NRXN1: variants seen among roughly 807,000 people sequenced by gnomAD.
NRXN1 encodes the protein neurexin 1.
In NRXN1, 39 loss-of-function variants were observed where a neutral mutation model predicts 150.9. That is an observed-to-expected ratio of 0.26 (90% CI 0.20 to 0.34). The LOEUF is 0.34. NRXN1 is among the 10% of genes least tolerant of loss of function. NRXN1 has a pLI of 1.00. For missense variants in NRXN1, 1,815 were observed against 1,949.9 expected (o/e 0.93, Z 1.30); for synonymous variants, 924 against 757.0 (o/e 1.22, Z -3.62).
intron 18 of NRXN1, among the ~76,000 whole-genome samples, chr2:50,091,761 G>A (rs1298251634): frequency 6.6e-6 from 1 of 152,194 alleles, no homozygotes; most frequent in African/African-American, 2.4e-5. Flanking sequence ...TCACAGAGAA[G>A]GCGCACAGCT....
intron 17 of NRXN1, among the ~76,000 whole-genome samples, chr2:50,402,389 A>G (rs952627661): frequency 6.6e-6 from 1 of 152,038 alleles, no homozygotes; most frequent in South Asian, 2.1e-4. Flanking sequence ...CTTTGCTTCA[A>G]TGTAAAGTAT....
In NRXN1 at chr2:50,501,400, AGTGTGTGT is replaced by A. The variant is rs368765670; in HGVS notation, c.2498-3694_2498-3687del. Among the ~76,000 whole-genome samples the A allele has an allele frequency of 1.6e-4, 23 of 148,180 alleles. 1 individual carries two copies. In the Admixed American group the frequency reaches 1.6e-3, roughly 10 times the overall value. On this transcript the variant is annotated intron_variant, in intron 13 of 22. Coordinates refer to ENST00000401669, the MANE Select transcript of NRXN1 (RefSeq NM_001330078.2). ...TGACTCGTGTATGTGTGTGTGTGTGAGTGTGTGTGTGTGTGTGTGTGTGTGTTTATTCC... is the reference window on the plus strand; with the variant it reads ...TGACTCGTGTATGTGTGTGTGTGTGAGTGTGTGTGTGTGTGTGTTTATTCC...
At chr2:50,031,101 G>A (rs1229252732) in intron 21 of NRXN1, among the ~76,000 whole-genome samples, 23 of 151,994 alleles carry the variant, frequency 1.5e-4, no homozygotes, top group Admixed American at 1.5e-3. Context: ...AACATGTAAA[G>A]CACACCTTTT....
intron 21 of NRXN1, among the ~76,000 whole-genome samples, chr2:50,011,534 T>C (rs993573829): frequency 6.6e-6 from 1 of 152,120 alleles, no homozygotes; most frequent in African/African-American, 2.4e-5. Context: ...AAGTGTTTGT[T>C]TATAAGCATA....
At chr2:50,777,700 A>T (rs1703836937) in intron 5 of NRXN1, among the ~76,000 whole-genome samples, 1 of 152,186 alleles carries the variant, frequency 6.6e-6, no homozygotes, top group Non-Finnish European at 1.5e-5. Context: ...AATACTGCAC[A>T]TCATCTAAAT....
At chr2:50,652,666 C>A (rs143622331) in intron 5 of NRXN1, among the ~76,000 whole-genome samples, 6 of 152,098 alleles carry the variant, frequency 3.9e-5, no homozygotes, top group Non-Finnish European at 5.9e-5. Context: ...CATCTGTGAA[C>A]GAATTTTTGT....
intron 2 of NRXN1, among the ~76,000 whole-genome samples, chr2:51,022,908 C>A (rs1431988217): frequency 1.3e-5 from 2 of 152,154 alleles, no homozygotes; most frequent in Non-Finnish European, 2.9e-5. Context: ...GGCACTGCCA[C>A]TGGGTTCCAA....
chr2:50,100,335 C>T (rs1325016770), intron 18 of NRXN1, among the ~76,000 whole-genome samples: 2 of 152,020 alleles, frequency 1.3e-5, no homozygotes, highest in Non-Finnish European at 2.9e-5. Flanking sequence ...AAAGGATGGA[C>T]AGATCTTGAG....
chr2:50,738,909 G>A (rs1248615002), intron 5 of NRXN1, among the ~76,000 whole-genome samples: 1 of 152,080 alleles, frequency 6.6e-6, no homozygotes, highest in African/African-American at 2.4e-5. Flanking sequence ...GTTCTGGAGG[G>A]GCAATTAGAA....
At chr2:50,708,831 A>G (rs1462590320) in intron 5 of NRXN1, among the ~76,000 whole-genome samples, 1 of 152,166 alleles carries the variant, frequency 6.6e-6, no homozygotes, top group African/African-American at 2.4e-5. Flanking sequence ...GCAGGGATCC[A>G]GGGTGACAGT....
chr2:50,861,110 T>C (rs568174340), intron 5 of NRXN1, among the ~76,000 whole-genome samples: 1 of 152,182 alleles, frequency 6.6e-6, no homozygotes, highest in East Asian at 2.0e-4. Context: ...ACATGCCAAG[T>C]TAGATGAGTC....
At chr2:50,020,364 T>C (rs1687383402) in intron 21 of NRXN1, among the ~76,000 whole-genome samples, 2 of 152,234 alleles carry the variant, frequency 1.3e-5, no homozygotes, top group Admixed American at 6.5e-5. Flanking sequence ...TTTTTTATTC[T>C]AAAATTCTTA....
At chr2:50,633,609 A>G (rs1025581093) in intron 5 of NRXN1, among the ~76,000 whole-genome samples, 14 of 152,080 alleles carry the variant, frequency 9.2e-5, no homozygotes, top group African/African-American at 2.9e-4. Flanking sequence ...TAAAATAAGA[A>G]CACTTGAATT....
At chr2:50,479,190 T>C (rs143549881) in intron 15 of NRXN1, among the ~76,000 whole-genome samples, 46 of 152,346 alleles carry the variant, frequency 3.0e-4, no homozygotes, top group Middle Eastern at 3.4e-3. Flanking sequence ...TGAAATAATA[T>C]CTATCTTCGC....
At chr2:50,284,066 A>C (rs755924453) in intron 17 of NRXN1, among the ~76,000 whole-genome samples, 2 of 152,170 alleles carry the variant, frequency 1.3e-5, no homozygotes, top group Non-Finnish European at 1.5e-5. Context: ...AAATGGTATT[A>C]CAGATTCCTA....
At chr2:50,698,638 G>A (rs149041920) in intron 5 of NRXN1, among the ~76,000 whole-genome samples, 1 of 152,114 alleles carries the variant, frequency 6.6e-6, no homozygotes, top group African/African-American at 2.4e-5. Flanking sequence ...ACTTCTCAGA[G>A]GTTTTCAATA....
intron 18 of NRXN1, among the ~76,000 whole-genome samples, chr2:50,103,856 A>G (rs1452628661): frequency 9.5e-6 from 1 of 104,838 alleles, no homozygotes; most frequent in African/African-American, 3.9e-5. Flanking sequence ...TCAACTTAGC[A>G]GCCATTGACC....
intron 18 of NRXN1, among the ~76,000 whole-genome samples, chr2:50,172,731 G>T (rs768833318): frequency 1.3e-5 from 2 of 152,074 alleles, no homozygotes; most frequent in Non-Finnish European, 2.9e-5. Flanking sequence ...ACTTTATGGG[G>T]CAAGGCAGGT....
chr2:50,871,268 A>T (rs1237426598), intron 5 of NRXN1, among the ~76,000 whole-genome samples: 1 of 151,860 alleles, frequency 6.6e-6, no homozygotes, highest in Non-Finnish European at 1.5e-5. Context: ...TTATCAATTT[A>T]TTATTTAAAA....
Sources: allele counts gnomAD v4.1 joint callset (sites outside exome capture counted in the v4.1 genomes callset), GRCh38; gene constraint gnomAD v4.1.1; transcripts MANE v1.5; gene names NCBI Gene and HGNC (gene_info 2026-07-23, HGNC 2026-07-21).